Variants in MACF1 observed in about 807,000 individuals in gnomAD.
MACF1 encodes microtubule actin crosslinking factor 1.
MACF1 carries 193 observed loss-of-function variants against 854.8 expected under a neutral mutation model. The observed-to-expected ratio is 0.23, with a 90% CI of 0.20 to 0.25. The LOEUF (loss-of-function observed/expected upper bound fraction) is 0.25, where lower values mean the gene tolerates loss of function less well. Among genes scored for constraint, MACF1 ranks in the 10% least tolerant of loss-of-function variants. The pLI is 1.00. For missense variants in MACF1, 7,722 were observed against 8,929.1 expected (o/e 0.86, Z 5.45); for synonymous variants, 3,185 against 3,226.7 (o/e 0.99, Z 0.44).
At position 39,439,292 on chromosome 1, in the gene MACF1, A is replaced by G. The variant is rs1277701550; in HGVS notation, c.18239A>G (p.Asp6080Gly). 4.3e-6 allele frequency: 7 copies of G among 1,611,958 alleles called. No homozygotes were observed. Among genetic ancestry groups the G allele is most frequent in the Non-Finnish European group, 5.9e-6 (7 of 1,178,122 alleles). The change falls in exon 72 of 101, where the codon GAT (aspartate) becomes GGT (glycine). Residue 6080 changes from aspartate (D) to glycine (G), a missense_variant. Around this residue, in one of 15 missense-constraint regions of MACF1, gnomAD observed 2,807 missense variants for 3,235.8 expected, o/e 0.87. Coordinates refer to ENST00000564288, the MANE Select transcript of MACF1 (RefSeq NM_001394062.1). ...TCCTCAGAAATCCAGGATAAATTGGATCAAATGGTATTCTTCTGGGAGGAC... is the reference window on the plus strand; with the variant it reads ...TCCTCAGAAATCCAGGATAAATTGGGTCAAATGGTATTCTTCTGGGAGGAC... Reference protein sequence around the residue: ...LAAKEIQDKLDQMVFFWEDIK... With the variant: ...LAAKEIQDKLGQMVFFWEDIK...
intron 49 of MACF1, among the ~76,000 whole-genome samples, chr1:39,362,736 G>A (rs1330543884): frequency 6.6e-6 from 1 of 152,000 alleles, no homozygotes; most frequent in Non-Finnish European, 1.5e-5. Context: ...CTTTTAGTGG[G>A]GAATGATATT....
intron 2 of MACF1, among the ~76,000 whole-genome samples, chr1:39,155,805 C>T (rs1205938830): frequency 2.0e-5 from 3 of 152,090 alleles, no homozygotes; most frequent in African/African-American, 7.2e-5. Context: ...CTGCAACTTC[C>T]GCCTCCGGGT....
intron 7 of MACF1, 41 bp downstream of exon 7, chr1:39,282,415 C>G: frequency 6.3e-7 from 1 of 1,578,558 alleles, no homozygotes; most frequent in South Asian, 1.2e-5. Context: ...AGGGCTTTTT[C>G]TCATCTCTTG....
intron 36 of MACF1, chr1:39,328,419 C>T (rs1557589915): frequency 6.6e-6 from 1 of 152,124 alleles, no homozygotes; most frequent in African/African-American, 2.4e-5. Flanking sequence ...ACAGGACAGG[C>T]TGCTGAGCAC....
rs756134944 is a variant in MACF1, at chr1:39,455,069, G to A, written c.21047G>A (p.Arg7016Gln). The part of the protein sequence containing the change: ...DQEPIPQNID[R>Q]VKALIAEHQT... The stretch of plus-strand genomic sequence containing the variant: ...GAGCCAATCCCGCAGAACATTGACC[G>A]AGTTAAAGCCCTTATCGCTGAGCAT... Residue 7016 changes from arginine to glutamine, a missense_variant, in exon 89 of 101, where the codon CGA becomes CAA. Coordinates refer to ENST00000564288, the MANE Select transcript of MACF1 (RefSeq NM_001394062.1). 9.9e-6 allele frequency: 16 copies of A among 1,613,936 alleles called. No homozygotes were observed. The Admixed American group carries it at 1.2e-4, about 12-fold the overall frequency.
At chr1:39,133,823 T>C (rs935568087) in intron 2 of MACF1, among the ~76,000 whole-genome samples, 1 of 152,300 alleles carries the variant, frequency 6.6e-6, no homozygotes, top group East Asian at 1.9e-4. Context: ...AGTTGCTTTT[T>C]CTTAAATAAA....
chr1:39,414,789 A>C (rs1643223935), intron 58 of MACF1, among the ~76,000 whole-genome samples: 1 of 152,192 alleles, frequency 6.6e-6, no homozygotes, highest in African/African-American at 2.4e-5. Flanking sequence ...CTGTTTTTGA[A>C]TTATACAGTG....
rs1177353534 is a variant in MACF1 at position 39,295,133 on chromosome 1, G to A, written c.2242G>A (p.Ala748Thr). ...ACTACTTTCACTTGAGAACCACCCA[G>A]CCAAGCAGACAGTGGAGGTGTGTGA... ...AELLSLENHP[A>T]KQTVEAYSAA... is the part of the protein sequence containing the mutation. The change falls in exon 19 of 101, where the codon GCC becomes ACC. Residue 748 changes from alanine to threonine, a missense_variant. By Grantham distance (58) the Ala-to-Thr change is moderately conservative (BLOSUM62 0). Coordinates refer to ENST00000564288, the MANE Select transcript of MACF1 (RefSeq NM_001394062.1). The A allele has an allele frequency of 1.2e-6, 2 of 1,613,974 alleles. No homozygotes were observed. The highest frequency in any genetic ancestry group is 1.7e-6 in the Non-Finnish European group (2 of 1,179,888).
chr1:39,321,136 A>G (rs1394140294), intron 31 of MACF1, among the ~76,000 whole-genome samples: 1 of 152,256 alleles, frequency 6.6e-6, no homozygotes, highest in African/African-American at 2.4e-5. Flanking sequence ...CTTAACAAAT[A>G]CTTTTTGAAT....
At chr1:39,443,914 A>G (rs1644170185) in intron 79 of MACF1, among the ~76,000 whole-genome samples, 1 of 152,230 alleles carries the variant, frequency 6.6e-6, no homozygotes, top group Non-Finnish European at 1.5e-5. Flanking sequence ...TAGGGAAATC[A>G]AATAGTTACC....
chr1:39,260,558 T>C (rs1645151359), intron 6 of MACF1: 1 of 151,814 alleles, frequency 6.6e-6, no homozygotes, highest in African/African-American at 2.4e-5. Context: ...AGAGACAGGG[T>C]TGTTGGCCAG....
At position 39,388,170 on chromosome 1, in the gene MACF1, G is replaced by T. The variant is rs1373896011; in HGVS notation, c.15328G>T (p.Gly5110Cys). ...CGAAGTTAAGCAAAGAGTGAACAGT[G>T]GTTGTGTGATGATGGAAAACAAGCT... The part of the protein sequence containing the change: ...FLEVKQRVNS[G>C]CVMMENKLEG... Residue 5110 changes from glycine (G) to cysteine (C), a missense_variant, in exon 58 of 101, where the codon GGT becomes TGT. By Grantham distance (159) the Gly-to-Cys change is radical (BLOSUM62 -3). Around this residue, in one of 15 missense-constraint regions of MACF1, gnomAD observed 2,807 missense variants for 3,235.8 expected, o/e 0.87. Coordinates refer to ENST00000564288, the MANE Select transcript of MACF1 (RefSeq NM_001394062.1). The T allele has an allele frequency of 2.5e-6, 4 of 1,614,034 alleles. No individual in the cohort carries two copies. The African/African-American group carries it at 4.0e-5, about 16-fold the overall frequency.
chr1:39,130,240 C>A (rs927350508), intron 2 of MACF1, among the ~76,000 whole-genome samples: 1 of 152,138 alleles, frequency 6.6e-6, no homozygotes, highest in Non-Finnish European at 1.5e-5. Flanking sequence ...ATAGCCAACA[C>A]CCTAATATAT....
chr1:39,437,722 C>T (rs1287861282), intron 70 of MACF1, 55 bp from the exon 71 acceptor site: 82 of 1,308,838 alleles, frequency 6.3e-5, no homozygotes, highest in Non-Finnish European at 3.3e-6. Flanking sequence ...CCTAACACTT[C>T]TCCAAGAAGA....
Position 39,452,270 on chromosome 1 carries a change from C to A in MACF1, c.20533C>A (p.Gln6845Lys), listed in dbSNP as rs998724782. Residue 6845 changes from glutamine (Q) to lysine (K), a missense_variant, in exon 86 of 101, where the codon CAG (glutamine) becomes AAG (lysine). Physicochemically the swap from Gln to Lys is moderately conservative, Grantham distance 53. This residue lies in a region of MACF1 where 729 missense variants were observed against 900.5 expected (regional missense o/e 0.81). Transcript: ENST00000564288. ...CACCACTTGGGTAAAAGGACAGCTC[C>A]AGGAACTGAGCACTCGCTGGGACAC... ...DDTTWVKGQLQELSTRWDTVC... is the reference protein window; with the variant it reads ...DDTTWVKGQLKELSTRWDTVC... The A allele has an allele frequency of 8.1e-6, 13 of 1,614,190 alleles. No individual in the cohort carries two copies. In the African/African-American group the frequency reaches 1.5e-4, roughly 18 times the overall value.
At chr1:39,468,409 A>G (rs958725746) in intron 95 of MACF1, among the ~76,000 whole-genome samples, 6 of 152,198 alleles carry the variant, frequency 3.9e-5, no homozygotes, top group African/African-American at 1.4e-4. Context: ...AAAGTATATC[A>G]AGACACCAGT....
At chr1:39,111,920 T>C (rs972552912) in intron 2 of MACF1, among the ~76,000 whole-genome samples, 8 of 152,088 alleles carry the variant, frequency 5.3e-5, no homozygotes, top group African/African-American at 1.9e-4. Flanking sequence ...TTTTCATAAT[T>C]TGACTTACTC....
intron 42 of MACF1, 64 bp downstream of exon 42, chr1:39,349,691 G>A: frequency 6.5e-7 from 1 of 1,547,438 alleles, no homozygotes; most frequent in Non-Finnish European, 8.8e-7. Context: ...GGAGTACAGT[G>A]GTGTTATCTT....
chr1:39,350,964 C>T lies in MACF1; in HGVS notation c.11145C>T (p.Ala3715=). 2 of 1,613,958 alleles carry T rather than the reference C, an allele frequency of 1.2e-6. No homozygotes were observed. Among genetic ancestry groups the T allele is most frequent in the Non-Finnish European group, 8.5e-7 (1 of 1,179,958 alleles). Residue 3715 remains alanine, a synonymous_variant, in exon 43 of 101, where the codon GCC becomes GCT. Coordinates refer to ENST00000564288, the MANE Select transcript of MACF1 (RefSeq NM_001394062.1). ...YEALQEETRV[A]QKELEEAVTS... Reference sequence around the variant, plus strand: ...CGCTCCAGGAAGAGACACGTGTGGCCCAGAAGGAACTGGAGGAAGCAGTGA... The same window carrying T: ...CGCTCCAGGAAGAGACACGTGTGGCTCAGAAGGAACTGGAGGAAGCAGTGA...
Sources: gnomAD v4.1 joint callset for allele counts (sites outside exome capture counted in the v4.1 genomes callset) on GRCh38, gnomAD v4.1.1 for gene constraint, gnomAD v4.1.1 regional missense constraint, MANE v1.5 for transcripts, NCBI Gene and HGNC (gene_info 2026-07-23, HGNC 2026-07-21) for gene names.